Variants in RASGRP1 observed in about 807,000 individuals in gnomAD.
RASGRP1 encodes RAS guanyl-releasing protein 1.
A neutral mutation model predicts 95.1 loss-of-function variants in RASGRP1; 37 were observed. That is an observed-to-expected ratio of 0.39 (90% confidence interval 0.30 to 0.51). The LOEUF (loss-of-function observed/expected upper bound fraction) is 0.51. Among genes scored for constraint, RASGRP1 ranks in the 20% least tolerant of loss-of-function variants. RASGRP1 has a pLI of 0.80. For synonymous variants in RASGRP1, 325 were observed against 353.4 expected (o/e 0.92, Z 0.90); for missense variants, 711 against 965.4 (o/e 0.74, Z 3.49).
At chr15:38,535,343 C>T (rs1892604535) in intron 2 of RASGRP1, among the ~76,000 whole-genome samples, 1 of 152,140 alleles carries the variant, frequency 6.6e-6, no homozygotes, top group Admixed American at 6.5e-5. Flanking sequence ...TCACCCACAC[C>T]TCTATTCTTT....
chr15:38,530,344 CA>C (rs776205013), intron 2 of RASGRP1, among the ~76,000 whole-genome samples: 2 of 152,268 alleles, frequency 1.3e-5, no homozygotes, highest in Admixed American at 6.5e-5. Context: ...TTGGCCAAAG[CA>C]AGTCACACTA....
In RASGRP1 at chr15:38,564,727, C is replaced by T; in HGVS notation, c.-99G>A. 2.8e-6 allele frequency: 3 copies of T among 1,053,962 alleles called. No homozygotes were observed. The highest frequency in any genetic ancestry group is 3.5e-6 in the Non-Finnish European group (3 of 849,362). 65.3% of individuals were successfully genotyped at this position (1,053,962 alleles called of 1,614,324 possible). ...CCGCCGCCTGCCGGCTCTCTCCCCC[C>T]CGGGCCTCGTAGCCCCGGCGCCCGC... On this transcript the variant is annotated 5_prime_UTR_variant, in exon 1 of 17. Transcript: ENST00000310803.
At chr15:38,556,520 C>T (rs1893558320) in intron 2 of RASGRP1, among the ~76,000 whole-genome samples, 1 of 152,176 alleles carries the variant, frequency 6.6e-6, no homozygotes, top group Non-Finnish European at 1.5e-5. Context: ...TAGCAAAATG[C>T]AAATCCCACA....
intron 2 of RASGRP1, among the ~76,000 whole-genome samples, chr15:38,533,883 C>T (rs1207460433): frequency 3.3e-5 from 5 of 152,190 alleles, no homozygotes; most frequent in Non-Finnish European, 5.9e-5. Context: ...GGTGTAAATA[C>T]TTCCACTATG....
chr15:38,524,970 CTTT>C (rs5812043), intron 3 of RASGRP1, among the ~76,000 whole-genome samples: 12 of 140,930 alleles, frequency 8.5e-5, no homozygotes, highest in Non-Finnish European at 1.2e-4. Flanking sequence ...AATTTTCTTT[CTTT>C]TTTTTTTTTT....
intron 1 of RASGRP1, chr15:38,560,280 T>C: frequency 2.1e-6 from 1 of 468,818 alleles, no homozygotes; most frequent in Non-Finnish European, 3.9e-6. Flanking sequence ...TGAAGGGGAA[T>C]GGCAGAGGCA....
intron 2 of RASGRP1, among the ~76,000 whole-genome samples, chr15:38,537,856 A>G (rs1220721134): frequency 6.6e-6 from 1 of 152,240 alleles, no homozygotes; most frequent in African/African-American, 2.4e-5. Flanking sequence ...AGAAGTGAGC[A>G]GGAGGACCTG....
chr15:38,488,131 A>G lies in RASGRP1; in HGVS notation c.*2423T>C, dbSNP rs1890423785. On this transcript the variant is annotated 3_prime_UTR_variant, in exon 17 of 17. Coordinates refer to ENST00000310803, the MANE Select transcript of RASGRP1 (RefSeq NM_005739.4). Reference sequence around the variant, plus strand: ...TAGGGATCCTAATGTCTTTTATCATATAAATATTACACAAAGAAAACTTAC... The same window carrying G: ...TAGGGATCCTAATGTCTTTTATCATGTAAATATTACACAAAGAAAACTTAC... The G allele has an allele frequency of 6.6e-6, 1 of 152,050 alleles. No homozygotes were observed. Among genetic ancestry groups the G allele is most frequent in the Non-Finnish European group, 1.5e-5 (1 of 67,906 alleles). 9.4% of individuals were successfully genotyped at this position (152,050 alleles called of 1,614,324 possible). A position where few individuals can be genotyped will look rare whatever the true frequency, so the allele number is the denominator to read the frequency against.
At chr15:38,559,769 C>G (rs754482334) in intron 2 of RASGRP1, 52 bp downstream of exon 2, 8 of 1,537,070 alleles carry the variant, frequency 5.2e-6, no homozygotes, top group South Asian at 1.2e-5. Context: ...TTTTAAAGGA[C>G]GAACAAAGTA....
intron 3 of RASGRP1, among the ~76,000 whole-genome samples, chr15:38,524,910 C>A (rs1038630692): frequency 6.6e-6 from 1 of 151,416 alleles, no homozygotes; most frequent in Non-Finnish European, 1.5e-5. Context: ...GGGGTCTGCC[C>A]CAATATGTAG....
chr15:38,552,885 A>G (rs1595882238), intron 2 of RASGRP1, among the ~76,000 whole-genome samples: 1 of 152,236 alleles, frequency 6.6e-6, no homozygotes, highest in African/African-American at 2.4e-5. Context: ...GAAGAAAGAA[A>G]TTAAGACATA....
intron 11 of RASGRP1, 107 bp downstream of exon 11, chr15:38,503,165 T>G (rs1891106479): frequency 1.2e-6 from 1 of 866,074 alleles, no homozygotes; most frequent in Non-Finnish European, 1.8e-6. Context: ...GGTTCAAGTT[T>G]CGTGCCTTTA....
At position 38,507,736 on chromosome 15, in the gene RASGRP1, T is replaced by G; in HGVS notation, c.1232A>C (p.His411Pro). Residue 411 changes from histidine to proline, a missense_variant, in exon 9 of 17, where the codon CAC becomes CCC. Physicochemically the swap from His to Pro is moderately conservative, Grantham distance 77. Transcript: ENST00000310803. ...PPLEANKDLV[H>P]LLTLSLDLYY... ...CAGTGTGAGCCTCACCGTCAGCAAG[T>G]GTACCAAGTCCTTGTTAGCCTCCAA... is the stretch of plus-strand genomic sequence containing the variant. 1 of 1,566,898 alleles carries G rather than the reference T, an allele frequency of 6.4e-7. No individual in the cohort carries two copies.
At chr15:38,555,261 T>C (rs1393764396) in intron 2 of RASGRP1, among the ~76,000 whole-genome samples, 2 of 152,180 alleles carry the variant, frequency 1.3e-5, no homozygotes, top group African/African-American at 4.8e-5. Flanking sequence ...GTATTTCTAG[T>C]TTGGAAGGTC....
chr15:38,508,205 A>C (rs1200869168), intron 8 of RASGRP1, among the ~76,000 whole-genome samples: 1 of 152,228 alleles, frequency 6.6e-6, no homozygotes, highest in African/African-American at 2.4e-5. Flanking sequence ...TATATTTATA[A>C]ACACAAGATA....
At chr15:38,498,252 C>G (rs995842045) in intron 15 of RASGRP1, among the ~76,000 whole-genome samples, 1 of 152,152 alleles carries the variant, frequency 6.6e-6, no homozygotes, top group African/African-American at 2.4e-5. Flanking sequence ...TCGCAGCTGC[C>G]TCTACCTGCT....
At chr15:38,515,962 T>C (rs538377886) in intron 6 of RASGRP1, among the ~76,000 whole-genome samples, 1 of 149,570 alleles carries the variant, frequency 6.7e-6, no homozygotes, top group African/African-American at 2.5e-5. Flanking sequence ...CTTGAGTGAG[T>C]GGTGGGATGG....
intron 2 of RASGRP1, among the ~76,000 whole-genome samples, chr15:38,546,838 T>C (rs149551875): frequency 0.023 from 3,476 of 152,320 alleles, 79 homozygotes; most frequent in Non-Finnish European, 0.03. Flanking sequence ...TCTCTTGGTA[T>C]TGGTCATAAG....
intron 2 of RASGRP1, chr15:38,534,204 G>C (rs921716659): frequency 6.6e-6 from 1 of 152,254 alleles, no homozygotes; most frequent in African/African-American, 2.4e-5. Context: ...AGGACTTCAA[G>C]GGTGAATCCT....
Sources: allele counts gnomAD v4.1 joint callset (sites outside exome capture counted in the v4.1 genomes callset), GRCh38; gene constraint gnomAD v4.1.1; transcripts MANE v1.5; gene names NCBI Gene and HGNC (gene_info 2026-07-23, HGNC 2026-07-21).